Variants in RNMT observed in about 807,000 individuals in gnomAD.
The protein encoded by RNMT is RNA guanine-7 methyltransferase, also known as mRNA cap guanine-N(7) methyltransferase.
In RNMT, 27 loss-of-function variants were observed where a neutral mutation model predicts 56.0. That is an observed-to-expected ratio of 0.48 (90% CI 0.36 to 0.67). The LOEUF (loss-of-function observed/expected upper bound fraction) is 0.67, where lower values mean the gene tolerates loss of function less well. Among genes scored for constraint, RNMT ranks in the 30% least tolerant of loss-of-function variants. The pLI, the probability that RNMT is intolerant of heterozygous loss-of-function variation, is 0.00. For missense variants in RNMT, 519 were observed against 552.1 expected, an observed-to-expected ratio of 0.94 and a Z score of 0.60; for synonymous variants, 184 against 176.2, an observed-to-expected ratio of 1.04 and a Z score of -0.35.
Position 13,764,239 on chromosome 18 carries a change from G to T in RNMT, c.*4260G>T, listed in dbSNP as rs2044652982. The T allele has an allele frequency of 6.6e-6, 1 of 152,150 alleles. No individual in the cohort carries two copies. The highest frequency in any genetic ancestry group is 1.5e-5 in the Non-Finnish European group (1 of 68,028). The allele number at this position is 152,150 out of a possible 1,614,324, so 9.4% of individuals were successfully genotyped here. On this transcript the variant is annotated 3_prime_UTR_variant, in exon 12 of 12. Coordinates refer to ENST00000383314, the MANE Select transcript of RNMT (RefSeq NM_003799.3). ...ATTTTGTTTAACTTTTTATTAAAGT[G>T]TAACTATAGAAACACATCAATGATT...
chr18:13,761,751 AGCCACACCT>A lies in RNMT; in HGVS notation c.*1775_*1783del. The A allele has an allele frequency of 8.5e-7, 1 of 1,179,792 alleles. No individual in the cohort carries two copies. Among genetic ancestry groups the A allele is most frequent in the Non-Finnish European group, 1.1e-6 (1 of 948,422 alleles). The allele number at this position is 1,179,792 out of a possible 1,614,324, so 73.1% of individuals were successfully genotyped here. ...TGTTGGTGTCAGGGAGGCTTACTGG[AGCCACACCT>A]GCAGGCGCTGTGTTCAGGCACCACC... On this transcript the variant is annotated 3_prime_UTR_variant, in exon 12 of 12. Transcript: ENST00000383314.
chr18:13,737,268 C>T (rs1007764266), intron 5 of RNMT, 133 bp downstream of exon 5: 17 of 773,964 alleles, frequency 2.2e-5, no homozygotes, highest in Middle Eastern at 3.9e-4. Flanking sequence ...TACGGCCTGA[C>T]GCGGTGGCTC....
At chr18:13,748,323 A>G (rs1463929008) in intron 9 of RNMT, among the ~76,000 whole-genome samples, 1 of 152,186 alleles carries the variant, frequency 6.6e-6, no homozygotes, top group Non-Finnish European at 1.5e-5. Context: ...ATGTAGTTTG[A>G]AAAATCCTTT....
Position 13,761,386 on chromosome 18 carries a change from T to A in RNMT, c.*1407T>A, listed in dbSNP as rs777627618. The A allele has an allele frequency of 3.3e-5, 33 of 985,442 alleles. No individual in the cohort carries two copies. The highest frequency in any genetic ancestry group is 4.0e-5 in the Non-Finnish European group (33 of 829,930). 61.0% of individuals were successfully genotyped at this position (985,442 alleles called of 1,614,324 possible). ...GTGTCAGTGAGGTGGGGAAAGGAAGTCTTCCTGTCACATATGCAGGTTCGT... is the reference window on the plus strand; with the variant it reads ...GTGTCAGTGAGGTGGGGAAAGGAAGACTTCCTGTCACATATGCAGGTTCGT... On this transcript the variant is annotated 3_prime_UTR_variant, in exon 12 of 12. Transcript: ENST00000383314.
chr18:13,741,865 T>C (rs2044257188), intron 7 of RNMT, among the ~76,000 whole-genome samples, 174 bp downstream of exon 7: 1 of 152,222 alleles, frequency 6.6e-6, no homozygotes, highest in Non-Finnish European at 1.5e-5. Flanking sequence ...AATTTACAGG[T>C]GAACTTTTAA....
In RNMT at chr18:13,741,178, G is replaced by A. The variant is rs116249050; in HGVS notation, c.793-332G>A. 7.4e-4 allele frequency among the ~76,000 whole-genome samples: 101 copies of A among 136,248 alleles called. 1 individual carries two copies. The highest frequency in any genetic ancestry group is 1.7e-3 in the Admixed American group (22 of 12,654). 89.4% of individuals were successfully genotyped at this position (136,248 alleles called of 152,430 possible). A position where few individuals can be genotyped will look rare whatever the true frequency, so the allele number is the denominator to read the frequency against. ...TTGCATTTTTTAAAAAATGCCAAAC[G>A]CCAGATGTTTTTTAACTCAAGTTAT... On this transcript the variant is annotated intron_variant, in intron 6 of 11. Transcript: ENST00000383314.
At chr18:13,736,988 G>A (rs749134545) in intron 4 of RNMT, 22 bp from the exon 5 acceptor site, 6 of 1,606,592 alleles carry the variant, frequency 3.7e-6, no homozygotes, top group Non-Finnish European at 5.1e-6. Flanking sequence ...GTAGTTTATT[G>A]TGACTGATTT....
Position 13,760,008 on chromosome 18 carries a change from G to C in RNMT, c.*29G>C, listed in dbSNP as rs757890413. 1.2e-6 allele frequency: 2 copies of C among 1,611,416 alleles called. No homozygotes were observed. The highest frequency in any genetic ancestry group is 8.5e-7 in the Non-Finnish European group (1 of 1,178,524). On this transcript the variant is annotated 3_prime_UTR_variant, in exon 12 of 12. Transcript: ENST00000383314. ...CATAGGCAGTAGTCCCAGAGGGGCC[G>C]TGTTCTGTCCTGCACAAATTTGAAC...
At chr18:13,737,500 A>C (rs191021139) in intron 5 of RNMT, among the ~76,000 whole-genome samples, 1 of 152,112 alleles carries the variant, frequency 6.6e-6, no homozygotes, top group East Asian at 1.9e-4. Context: ...ACAAGATCGC[A>C]CCACTGCACA....
At chr18:13,737,258 T>A in intron 5 of RNMT, 123 bp downstream of exon 5, 1 of 878,590 alleles carries the variant, frequency 1.1e-6, no homozygotes, top group Non-Finnish European at 1.7e-6. Flanking sequence ...TTAAATTAAT[T>A]ACGGCCTGAC....
chr18:13,745,961 A>C (rs1006226088), intron 8 of RNMT, among the ~76,000 whole-genome samples: 1 of 152,202 alleles, frequency 6.6e-6, no homozygotes, highest in Non-Finnish European at 1.5e-5. Context: ...CGCATCTCAC[A>C]GCTCCGGAGA....
intron 9 of RNMT, among the ~76,000 whole-genome samples, chr18:13,748,802 C>T (rs374120914): frequency 6.6e-6 from 1 of 151,976 alleles, no homozygotes; most frequent in Non-Finnish European, 1.5e-5. Context: ...GTTTTGGTCC[C>T]GGCATGGTGG....
Position 13,734,534 on chromosome 18 carries a change from A to C in RNMT, c.488A>C (p.Lys163Thr). Residue 163 changes from lysine (K) to threonine (T), a missense_variant, in exon 4 of 12, where the codon AAG becomes ACG. Lys to Thr is a moderately conservative substitution (Grantham distance 78, BLOSUM62 -1). Transcript: ENST00000383314. Reference protein sequence around the residue: ...YNELQEVGLEKRSQSRIFYLR... With the variant: ...YNELQEVGLETRSQSRIFYLR... ...GAACTTCAGGAAGTTGGTTTGGAGA[A>C]GCGTAGTCAAAGTCGTATTTTTTAC... 1 of 1,613,750 alleles carries C rather than the reference A, an allele frequency of 6.2e-7. No homozygotes were observed. Among genetic ancestry groups the C allele is most frequent in the East Asian group, 2.2e-5 (1 of 44,866 alleles).
intron 3 of RNMT, among the ~76,000 whole-genome samples, chr18:13,733,848 T>C (rs1054338671): frequency 3.9e-5 from 6 of 152,216 alleles, no homozygotes; most frequent in Admixed American, 6.5e-5. Flanking sequence ...TATTAAGACA[T>C]TGACACTAAA....
intron 5 of RNMT, 94 bp downstream of exon 5, chr18:13,737,229 T>C (rs1056347508): frequency 1.2e-5 from 14 of 1,130,098 alleles, no homozygotes; most frequent in Middle Eastern, 2.7e-4. Flanking sequence ...TCTGGGACTA[T>C]GCATGAGATG....
At chr18:13,754,952 G>C (rs2044518315) in intron 11 of RNMT, among the ~76,000 whole-genome samples, 1 of 152,200 alleles carries the variant, frequency 6.6e-6, no homozygotes, top group South Asian at 2.1e-4. Context: ...AGAGAAGCCA[G>C]AAGCACAGCA....
chr18:13,729,355 A>G (rs1189315622), intron 1 of RNMT, among the ~76,000 whole-genome samples: 1 of 152,226 alleles, frequency 6.6e-6, no homozygotes, highest in East Asian at 1.9e-4. Context: ...CACATCTGTG[A>G]TATCATGAAA....
chr18:13,742,231 A>C (rs536948163), intron 7 of RNMT, among the ~76,000 whole-genome samples: 14 of 152,036 alleles, frequency 9.2e-5, no homozygotes, highest in Non-Finnish European at 1.9e-4. Flanking sequence ...CTTGCTCAGG[A>C]GGCTGAGGCA....
chr18:13,736,905 A>G, intron 4 of RNMT, 105 bp from the exon 5 acceptor site: 1 of 928,972 alleles, frequency 1.1e-6, no homozygotes, highest in South Asian at 1.8e-5. Flanking sequence ...GTAATAGTTT[A>G]TGTTACATAT....
Sources: allele counts gnomAD v4.1 joint callset (sites outside exome capture counted in the v4.1 genomes callset), GRCh38; gene constraint gnomAD v4.1.1; transcripts MANE v1.5; gene names NCBI Gene and HGNC (gene_info 2026-07-23, HGNC 2026-07-21).